The following NFIL3 variants were observed in gnomAD, a reference collection of about 807,000 sequenced individuals.
The protein encoded by NFIL3 is nuclear factor interleukin-3-regulated protein.
In NFIL3, 5 loss-of-function variants were observed where a neutral mutation model predicts 10.0. That is an observed-to-expected ratio of 0.50 (90% CI 0.26 to 1.06). The LOEUF (loss-of-function observed/expected upper bound fraction) is 1.06. NFIL3 is among the 50% of genes least tolerant of loss of function. The pLI is 0.13. For missense variants in NFIL3, 436 were observed against 547.6 expected, an observed-to-expected ratio of 0.80 and a Z score of 2.03; for synonymous variants, 202 against 206.5, an observed-to-expected ratio of 0.98 and a Z score of 0.19.
At chr9:91,478,196 A>G in the NFIL3 span, among the ~76,000 whole-genome samples, 4 of 152,048 alleles carry the variant, frequency 2.6e-5, no homozygotes, top group East Asian at 3.9e-4. Context: ...ATGTTGGCCT[A>G]TCTTGCTAGG....
At chr9:91,424,071 C>A (rs1833831678), upstream of NFIL3, among the ~76,000 whole-genome samples, 1 of 151,182 alleles carries the variant, frequency 6.6e-6, no homozygotes, top group African/African-American at 2.4e-5. Context: ...CCACCGCCGT[C>A]CGAGCGCCCG....
the NFIL3 span, among the ~76,000 whole-genome samples, chr9:91,457,804 G>T: frequency 6.6e-6 from 1 of 151,990 alleles, no homozygotes; most frequent in South Asian, 2.1e-4. Context: ...GTTAGCTATA[G>T]GTTTATTGTA....
the NFIL3 span, among the ~76,000 whole-genome samples, chr9:91,430,342 T>G: frequency 6.6e-6 from 1 of 152,208 alleles, no homozygotes; most frequent in Non-Finnish European, 1.5e-5. Flanking sequence ...CCTTGAACAG[T>G]TGAGTGATGT....
At chr9:91,439,510 G>A in the NFIL3 span, among the ~76,000 whole-genome samples, 1 of 151,898 alleles carries the variant, frequency 6.6e-6, no homozygotes, top group Non-Finnish European at 1.5e-5. Flanking sequence ...TCTTTTGTGT[G>A]TGCGTGTTTG....
intron 1 of NFIL3, among the ~76,000 whole-genome samples, chr9:91,418,855 GTTT>G (rs10608008): frequency 7.3e-4 from 108 of 147,294 alleles, no homozygotes; most frequent in African/African-American, 1.8e-3. Context: ...AGTTTTGGGT[GTTT>G]TTTTTTTTTT....
intron 1 of NFIL3, among the ~76,000 whole-genome samples, chr9:91,414,796 G>A (rs1587964064): frequency 1.3e-5 from 2 of 152,314 alleles, no homozygotes; most frequent in African/African-American, 4.8e-5. Flanking sequence ...CATATACACT[G>A]TGTGTGTTTC....
At chr9:91,418,666 C>T (rs1833702906) in intron 1 of NFIL3, among the ~76,000 whole-genome samples, 2 of 152,190 alleles carry the variant, frequency 1.3e-5, no homozygotes, top group South Asian at 4.1e-4. Flanking sequence ...CCCTAAAAAG[C>T]TAATTAATAA....
chr9:91,452,098 T>G, the NFIL3 span, among the ~76,000 whole-genome samples: 6 of 152,308 alleles, frequency 3.9e-5, no homozygotes, highest in Admixed American at 3.9e-4. Flanking sequence ...AAGGGTTGTT[T>G]GGGCATACCT....
the NFIL3 span, among the ~76,000 whole-genome samples, chr9:91,457,533 T>C: frequency 6.6e-6 from 1 of 152,054 alleles, no homozygotes; most frequent in Non-Finnish European, 1.5e-5. Flanking sequence ...TGTTCATTGT[T>C]ACCATATAGA....
chr9:91,471,768 C>T, the NFIL3 span, among the ~76,000 whole-genome samples: 120 of 152,008 alleles, frequency 7.9e-4, 1 homozygote, highest in Non-Finnish European at 1.4e-3. Flanking sequence ...TGTTATTTTG[C>T]GCATTAGTTG....
At chr9:91,448,880 A>G in the NFIL3 span, among the ~76,000 whole-genome samples, 1 of 152,134 alleles carries the variant, frequency 6.6e-6, no homozygotes, top group African/African-American at 2.4e-5. Context: ...ATGTCTTTCC[A>G]TTAATTTTGG....
At chr9:91,419,309 T>C (rs1833714937) in intron 1 of NFIL3, among the ~76,000 whole-genome samples, 1 of 152,202 alleles carries the variant, frequency 6.6e-6, no homozygotes, top group African/African-American at 2.4e-5. Flanking sequence ...TGACTGCACC[T>C]TTTCCATTCC....
the NFIL3 span, among the ~76,000 whole-genome samples, chr9:91,474,099 A>G: frequency 2.2e-5 from 3 of 135,442 alleles, no homozygotes; most frequent in East Asian, 4.5e-4. Context: ...TTTTTTTTTT[A>G]ATCAAGTTGA....
At chr9:91,461,825 C>T in the NFIL3 span, among the ~76,000 whole-genome samples, 3 of 152,008 alleles carry the variant, frequency 2.0e-5, no homozygotes, top group East Asian at 5.8e-4. Flanking sequence ...AAGGATGAAC[C>T]TCAGGTAAGG....
chr9:91,454,051 G>T, the NFIL3 span, among the ~76,000 whole-genome samples: 1 of 151,582 alleles, frequency 6.6e-6, no homozygotes, highest in Non-Finnish European at 1.5e-5. Flanking sequence ...TGGCCAACAG[G>T]GTGAAACATC....
the NFIL3 span, among the ~76,000 whole-genome samples, chr9:91,463,783 T>C: frequency 6.6e-6 from 1 of 152,314 alleles, no homozygotes; most frequent in East Asian, 1.9e-4. Context: ...TAATAGTGGA[T>C]ATGTCCATTT....
At chr9:91,411,336 T>C (rs1833544598) in intron 1 of NFIL3, among the ~76,000 whole-genome samples, 1 of 152,160 alleles carries the variant, frequency 6.6e-6, no homozygotes, top group African/African-American at 2.4e-5. Flanking sequence ...TTACCTAATA[T>C]TTACATCACT....
the NFIL3 span, among the ~76,000 whole-genome samples, chr9:91,444,435 A>G: frequency 6.6e-6 from 1 of 151,662 alleles, no homozygotes; most frequent in African/African-American, 2.4e-5. Context: ...GTAAATTTTC[A>G]TTTTCTTGGA....
chr9:91,475,439 A>G, the NFIL3 span, among the ~76,000 whole-genome samples: 4 of 152,206 alleles, frequency 2.6e-5, no homozygotes, highest in Non-Finnish European at 5.9e-5. Flanking sequence ...ATGACAGTCA[A>G]TTTTAGCTGA....
Sources: gnomAD v4.1 joint callset for allele counts (sites outside exome capture counted in the v4.1 genomes callset) on GRCh38, gnomAD v4.1.1 for gene constraint, MANE v1.5 for transcripts, NCBI Gene and HGNC (gene_info 2026-07-23, HGNC 2026-07-21) for gene names.